PIAS1: variants seen among roughly 807,000 people sequenced by gnomAD.
PIAS1 encodes E3 SUMO-protein ligase PIAS1.
Under a neutral mutation model 71.3 loss-of-function variants are expected in PIAS1, and 6 were observed. The ratio of observed to expected loss-of-function variants is 0.08; its 90% CI spans 0.05 to 0.17. The LOEUF (loss-of-function observed/expected upper bound fraction) is 0.17, where lower values mean the gene tolerates loss of function less well. Among genes scored for constraint, PIAS1 ranks in the 10% least tolerant of loss-of-function variants. The probability of loss-of-function intolerance (pLI) is 1.00; values close to 1 mark genes in which losing one functional copy is unlikely to be tolerated. For missense variants in PIAS1, 555 were observed against 793.6 expected, an observed-to-expected ratio of 0.70 and a Z score of 3.61; for synonymous variants, 303 against 292.9, an observed-to-expected ratio of 1.03 and a Z score of -0.35.
chr15:68,090,927 G>GGGGTGTGTGT lies in PIAS1; in HGVS notation c.469+4178_469+4179insGGTGTGTGTG, dbSNP rs71455575. ...GTATTCTTTTTGTTAGTCATTTACG[G>GGGGTGTGTGT]GTGTGTGTGTGTGTGTGTGTGTGTG... On this transcript the variant is annotated intron_variant, in intron 2 of 13. Coordinates refer to ENST00000249636, the MANE Select transcript of PIAS1 (RefSeq NM_016166.3). Among the ~76,000 whole-genome samples, 1,392 of 142,838 alleles carry GGGGTGTGTGT rather than the reference G, an allele frequency of 9.7e-3. 23 individuals are homozygous for GGGGTGTGTGT. The highest frequency in any genetic ancestry group is 0.03 in the African/African-American group (1,147 of 38,314). The allele number at this position is 142,838 out of a possible 152,430, so 93.7% of individuals were successfully genotyped here. A position where few individuals can be genotyped will look rare whatever the true frequency, so the allele number is the denominator to read the frequency against.
chr15:68,055,953 A>G (rs1328093824), intron 1 of PIAS1: 1 of 698,366 alleles, frequency 1.4e-6, no homozygotes, highest in South Asian at 1.5e-5. Context: ...ATGTACTTCT[A>G]ATTACAAATT....
intron 2 of PIAS1, among the ~76,000 whole-genome samples, chr15:68,112,172 G>C (rs555911133): frequency 6.6e-6 from 1 of 151,902 alleles, no homozygotes; most frequent in African/African-American, 2.4e-5. Context: ...GAATGCTCTG[G>C]TATCTGTACT....
At chr15:68,075,875 G>A (rs1449646724) in intron 1 of PIAS1, among the ~76,000 whole-genome samples, 2 of 149,046 alleles carry the variant, frequency 1.3e-5, no homozygotes, top group Non-Finnish European at 3.0e-5. Flanking sequence ...TCGGCCCCCC[G>A]GGGTTCAAGT....
chr15:68,144,119 GAAAAAA>G (rs11330725), intron 4 of PIAS1, among the ~76,000 whole-genome samples: 6 of 124,598 alleles, frequency 4.8e-5, no homozygotes, highest in Non-Finnish European at 8.7e-5. Flanking sequence ...CCAGGACTTG[GAAAAAA>G]AAAAAAAAAA....
At position 68,173,799 on chromosome 15, in the gene PIAS1, C is replaced by T; in HGVS notation, c.1076C>T (p.Ala359Val). The stretch of plus-strand genomic sequence containing the variant: ...TGTTCTCATCTACAATGTTTTGACG[C>T]AACTCTTTACATTCAGATGAATGAG... Reference protein sequence around the residue: ...LTCSHLQCFDATLYIQMNEKK... With the variant: ...LTCSHLQCFDVTLYIQMNEKK... Residue 359 changes from alanine to valine, a missense_variant, in exon 9 of 14, where the codon GCA (alanine) becomes GTA (valine). This residue lies in a region of PIAS1 where 49 missense variants were observed against 129.2 expected (regional missense o/e 0.38). Transcript: ENST00000249636. The surrounding 1 kb of genome is among the most constrained non-coding windows in gnomAD (Gnocchi z 4.3). The T allele has an allele frequency of 6.3e-7, 1 of 1,598,964 alleles. No individual in the cohort carries two copies. The highest frequency in any genetic ancestry group is 8.6e-7 in the Non-Finnish European group (1 of 1,169,086).
chr15:68,159,816 T>C (rs1311120751), intron 7 of PIAS1, among the ~76,000 whole-genome samples: 3 of 152,156 alleles, frequency 2.0e-5, no homozygotes, highest in African/African-American at 4.8e-5. Flanking sequence ...TTTGTAGACA[T>C]ATGTTTTCAT....
In PIAS1 at chr15:68,100,022, TA is replaced by T. The variant is rs541021437; in HGVS notation, c.469+13273del. On this transcript the variant is annotated intron_variant, in intron 2 of 13. Transcript: ENST00000249636. ...ATTGACTTTTGAGAGTTCCTTTGCATATTGTAGATACTAGTTTTAGTCAGAG... is the reference window on the plus strand; with the variant it reads ...ATTGACTTTTGAGAGTTCCTTTGCATTTGTAGATACTAGTTTTAGTCAGAG... Among the ~76,000 whole-genome samples, 57 of 151,994 alleles carry T rather than the reference TA, an allele frequency of 3.8e-4. No individual in the cohort carries two copies. The East Asian group carries it at 0.01, about 28-fold the overall frequency.
At position 68,110,698 on chromosome 15, in the gene PIAS1, G is replaced by C. The variant is rs76998851; in HGVS notation, c.469+23948G>C. 4.5e-4 allele frequency among the ~76,000 whole-genome samples: 68 copies of C among 152,036 alleles called. 3 individuals carry two copies. The East Asian group carries it at 0.013, about 29-fold the overall frequency. On this transcript the variant is annotated intron_variant, in intron 2 of 13. Coordinates refer to ENST00000249636, the MANE Select transcript of PIAS1 (RefSeq NM_016166.3). The stretch of plus-strand genomic sequence containing the variant: ...GATCACTTGAGCCTGGGGAGATCAA[G>C]GCTGCACTCCAGTCTGGGTGATAGA...
chr15:68,159,815 A>G (rs866460645), intron 7 of PIAS1, among the ~76,000 whole-genome samples: 1 of 152,152 alleles, frequency 6.6e-6, no homozygotes, highest in Non-Finnish European at 1.5e-5. Context: ...TTTTGTAGAC[A>G]TATGTTTTCA....
chr15:68,156,488 G>T (rs900301504), intron 7 of PIAS1, among the ~76,000 whole-genome samples: 9 of 129,488 alleles, frequency 7.0e-5, no homozygotes, highest in Admixed American at 5.1e-4. Flanking sequence ...TAGATCACTT[G>T]AGTGAGGTCA....
rs554116437 is a variant in PIAS1 at position 68,093,350 on chromosome 15, G to C, written c.469+6600G>C. On this transcript the variant is annotated intron_variant, in intron 2 of 13. Coordinates refer to ENST00000249636, the MANE Select transcript of PIAS1 (RefSeq NM_016166.3). The stretch of plus-strand genomic sequence containing the variant: ...GTTTGAGAATAAACCTCTGGTTCTT[G>C]GTAAGCATACCACATGGTGTGAGCA... Among the ~76,000 whole-genome samples, 15 of 152,352 alleles carry C rather than the reference G, an allele frequency of 9.8e-5. No individual in the cohort carries two copies. The East Asian group carries it at 2.5e-3, about 25-fold the overall frequency.
intron 1 of PIAS1, among the ~76,000 whole-genome samples, chr15:68,084,917 A>T (rs909613500): frequency 9.2e-5 from 14 of 152,354 alleles, no homozygotes; most frequent in African/African-American, 3.4e-4. Context: ...CCAAAGGCTA[A>T]CAAAAGCTGG....
chr15:68,117,808 A>G (rs2092578738), intron 2 of PIAS1, among the ~76,000 whole-genome samples: 1 of 152,230 alleles, frequency 6.6e-6, no homozygotes, highest in Non-Finnish European at 1.5e-5. Context: ...GTAGTGCCAC[A>G]ATAAACATAG....
At chr15:68,147,750 G>T (rs941845984) in intron 6 of PIAS1, among the ~76,000 whole-genome samples, 1 of 151,918 alleles carries the variant, frequency 6.6e-6, no homozygotes, top group Non-Finnish European at 1.5e-5. Flanking sequence ...GTGATGTGAG[G>T]TAAAAATTGC....
chr15:68,086,437 T>A lies in PIAS1; in HGVS notation c.156T>A (p.Ala52=). The A allele has an allele frequency of 6.2e-7, 1 of 1,613,982 alleles. No homozygotes were observed. The highest frequency in any genetic ancestry group is 8.5e-7 in the Non-Finnish European group (1 of 1,179,878). ...LHLLKAGCSP[A]VQMKIKELYR... ...TGCTAAAGGCTGGCTGTAGTCCTGC[T>A]GTGCAAATGAAAATTAAGGAACTCT... The change falls in exon 2 of 14, where the codon GCT becomes GCA. Residue 52 remains alanine, a synonymous_variant. Transcript: ENST00000249636. The surrounding 1 kb of genome is among the most constrained non-coding windows in gnomAD (Gnocchi z 7.2).
intron 2 of PIAS1, among the ~76,000 whole-genome samples, chr15:68,124,113 T>C (rs1325516244): frequency 3.3e-5 from 5 of 152,200 alleles, no homozygotes; most frequent in Non-Finnish European, 7.3e-5. Context: ...TCTGAATTTT[T>C]ATAATTGTGT....
intron 7 of PIAS1, 23 bp downstream of exon 7, chr15:68,153,718 A>G: frequency 1.7e-6 from 2 of 1,154,792 alleles, no homozygotes; most frequent in Non-Finnish European, 1.3e-6. Context: ...AACTTATTTC[A>G]CTTATTCAGC....
At position 68,145,633 on chromosome 15, in the gene PIAS1, G is replaced by A. The variant is rs1024244907; in HGVS notation, c.603-183G>A. The stretch of plus-strand genomic sequence containing the variant: ...GTCATGATTACCACAACTCTACATT[G>A]ACAGAATTATTTATTTTAAACCTAT... On this transcript the variant is annotated intron_variant, in intron 4 of 13. Transcript: ENST00000249636. Among the ~76,000 whole-genome samples, 4 of 152,166 alleles carry A rather than the reference G, an allele frequency of 2.6e-5. No homozygotes were observed. In the East Asian group the frequency reaches 7.7e-4, roughly 29 times the overall value.
intron 1 of PIAS1, among the ~76,000 whole-genome samples, chr15:68,056,484 T>G (rs1407601285): frequency 6.6e-6 from 1 of 152,178 alleles, no homozygotes; most frequent in African/African-American, 2.4e-5. Flanking sequence ...TTTTTTGTGC[T>G]CTCCCAAATC....
Sources: gnomAD v4.1 joint callset for allele counts (sites outside exome capture counted in the v4.1 genomes callset) on GRCh38, gnomAD v4.1.1 for gene constraint, gnomAD v4.1.1 regional missense constraint, Gnocchi (gnomAD v3.1) non-coding constraint, MANE v1.5 for transcripts, NCBI Gene and HGNC (gene_info 2026-07-23, HGNC 2026-07-21) for gene names.